Variants in DPP10 observed in about 807,000 individuals in gnomAD.
DPP10 encodes inactive dipeptidyl peptidase 10.
A neutral mutation model predicts 120.9 loss-of-function variants in DPP10; 33 were observed. The ratio of observed to expected loss-of-function variants is 0.27; its 90% CI spans 0.21 to 0.37. DPP10 has a LOEUF of 0.37. Ranked by LOEUF, DPP10 falls within the 10% of genes least tolerant of loss-of-function variation. The pLI is 1.00. For synonymous variants in DPP10, 337 were observed against 326.1 expected (o/e 1.03, Z -0.36); for missense variants, 816 against 942.8 (o/e 0.87, Z 1.76).
chr2:115,124,266 G>A (rs560940103), intron 1 of DPP10, among the ~76,000 whole-genome samples: 1 of 152,184 alleles, frequency 6.6e-6, no homozygotes, highest in South Asian at 2.1e-4. Context: ...TCAAGCTTAA[G>A]ACCATTCAAT....
Position 115,845,356 on chromosome 2 carries a change from T to G in DPP10, c.*3011T>G, listed in dbSNP as rs1227152850. The G allele has an allele frequency of 6.6e-6, 1 of 152,254 alleles. No individual in the cohort carries two copies. Among genetic ancestry groups the G allele is most frequent in the Non-Finnish European group, 1.5e-5 (1 of 68,066 alleles). The allele number at this position is 152,254 out of a possible 1,614,324, so 9.4% of individuals were successfully genotyped here. ...TTCACTTTCTGTTCTGGGGATTCTCTGATACTAATTTTGGCTACTTGGTAG... is the reference window on the plus strand; with the variant it reads ...TTCACTTTCTGTTCTGGGGATTCTCGGATACTAATTTTGGCTACTTGGTAG... On this transcript the variant is annotated 3_prime_UTR_variant, in exon 26 of 26. Transcript: ENST00000410059.
intron 12 of DPP10, among the ~76,000 whole-genome samples, chr2:115,766,314 ATATATATATATGTATATATATATG>A (rs1412278706): frequency 1.2e-4 from 9 of 72,668 alleles, no homozygotes; most frequent in African/African-American, 5.4e-4. Context: ...GTGTGTGTAT[ATATATATATATGTATATATATATG>A]TATATATATA....
intron 3 of DPP10, among the ~76,000 whole-genome samples, chr2:115,435,412 T>C (rs2071404835): frequency 6.6e-6 from 1 of 151,906 alleles, no homozygotes; most frequent in South Asian, 2.1e-4. Flanking sequence ...AGATGGTGTC[T>C]CATTGTGGTT....
chr2:115,633,144 T>A (rs1044217472), intron 5 of DPP10, among the ~76,000 whole-genome samples: 2 of 152,174 alleles, frequency 1.3e-5, no homozygotes, highest in Non-Finnish European at 2.9e-5. Flanking sequence ...ATGTTTATTA[T>A]GGCACTATTC....
chr2:115,795,882 T>G (rs993337240), intron 19 of DPP10, among the ~76,000 whole-genome samples: 1 of 152,046 alleles, frequency 6.6e-6, no homozygotes, highest in Non-Finnish European at 1.5e-5. Flanking sequence ...TATTCTCTAC[T>G]TACACTTCCT....
intron 1 of DPP10, among the ~76,000 whole-genome samples, chr2:115,070,198 CT>C (rs1707256454): frequency 3.9e-5 from 6 of 152,084 alleles, no homozygotes. Context: ...TTACACATCT[CT>C]TTGTGTTTAG....
At chr2:115,459,520 C>T (rs2073851939) in intron 3 of DPP10, among the ~76,000 whole-genome samples, 1 of 151,968 alleles carries the variant, frequency 6.6e-6, no homozygotes, top group Non-Finnish European at 1.5e-5. Flanking sequence ...TTTTGATTAC[C>T]ATGGCTATAA....
At chr2:114,457,951 G>A (rs1678672608) in intron 1 of DPP10, among the ~76,000 whole-genome samples, 1 of 152,144 alleles carries the variant, frequency 6.6e-6, no homozygotes, top group African/African-American at 2.4e-5. Flanking sequence ...AGACAGACCA[G>A]TGTTAACCCA....
intron 5 of DPP10, among the ~76,000 whole-genome samples, chr2:115,647,241 C>T (rs1257912217): frequency 2.6e-5 from 4 of 152,086 alleles, no homozygotes; most frequent in Non-Finnish European, 5.9e-5. Flanking sequence ...TATCAAGTGC[C>T]GCTCTATACA....
intron 1 of DPP10, among the ~76,000 whole-genome samples, chr2:115,173,518 A>T (rs560609259): frequency 7.9e-4 from 120 of 152,230 alleles, no homozygotes; most frequent in Non-Finnish European, 1.4e-3. Context: ...AAAATTAAGC[A>T]GATACCATAA....
At chr2:115,011,992 G>C (rs1702298546) in intron 1 of DPP10, among the ~76,000 whole-genome samples, 1 of 152,070 alleles carries the variant, frequency 6.6e-6, no homozygotes, top group Non-Finnish European at 1.5e-5. Context: ...TGGGAGCAGG[G>C]TGAGGCCTGT....
At chr2:115,280,467 G>C (rs1292064156) in intron 1 of DPP10, among the ~76,000 whole-genome samples, 1 of 152,136 alleles carries the variant, frequency 6.6e-6, no homozygotes, top group Non-Finnish European at 1.5e-5. Flanking sequence ...GTAAATATCA[G>C]TCCTATAGCT....
chr2:115,671,134 A>T (rs1196590688), intron 5 of DPP10, among the ~76,000 whole-genome samples: 1 of 152,086 alleles, frequency 6.6e-6, no homozygotes, highest in Non-Finnish European at 1.5e-5. Context: ...TGTTCATAAA[A>T]TTATAATTTT....
At chr2:114,632,522 T>G (rs1695006643) in intron 1 of DPP10, among the ~76,000 whole-genome samples, 1 of 138,464 alleles carries the variant, frequency 7.2e-6, no homozygotes, top group African/African-American at 2.7e-5. Flanking sequence ...TTTTTTTTTT[T>G]TTTTTTTGGA....
intron 1 of DPP10, among the ~76,000 whole-genome samples, chr2:114,955,318 A>G (rs1698121635): frequency 6.6e-6 from 1 of 152,082 alleles, no homozygotes; most frequent in African/African-American, 2.4e-5. Flanking sequence ...CTTTACTGCA[A>G]CCTGTTTTAT....
chr2:114,816,406 T>C (rs989191611), intron 1 of DPP10, among the ~76,000 whole-genome samples: 1 of 152,168 alleles, frequency 6.6e-6, no homozygotes, highest in African/African-American at 2.4e-5. Flanking sequence ...TTTACACAAA[T>C]AGGTGATGGG....
At chr2:115,777,423 C>T (rs1682242466) in intron 14 of DPP10, 124 bp downstream of exon 14, 2 of 827,796 alleles carry the variant, frequency 2.4e-6, no homozygotes, top group South Asian at 1.8e-5. Flanking sequence ...GAAAGAATAA[C>T]CTTTCTTTAA....
At position 115,563,594 on chromosome 2, in the gene DPP10, A is replaced by T. The variant is rs775002873; in HGVS notation, c.441+37622A>T. ...TTACTGCTTGTGTAGCATTGTAAAA[A>T]CAACACTAAATCTCTCTCAGATAAT... On this transcript the variant is annotated intron_variant, in intron 5 of 25. Transcript: ENST00000410059. Among the ~76,000 whole-genome samples the T allele has an allele frequency of 5.3e-5, 8 of 152,142 alleles. 1 individual carries two copies. Among genetic ancestry groups the T allele is most frequent in the Middle Eastern group, 6.3e-3 (2 of 316 alleles).
intron 1 of DPP10, among the ~76,000 whole-genome samples, chr2:114,929,386 G>A (rs930589513): frequency 1.3e-5 from 2 of 152,168 alleles, no homozygotes; most frequent in East Asian, 3.9e-4. Context: ...AAGCCTGAGG[G>A]CATTGCAGCA....
Sources: gnomAD v4.1 joint callset for allele counts (sites outside exome capture counted in the v4.1 genomes callset) on GRCh38, gnomAD v4.1.1 for gene constraint, MANE v1.5 for transcripts, NCBI Gene and HGNC (gene_info 2026-07-23, HGNC 2026-07-21) for gene names.